PTPRD: variants seen among roughly 807,000 people sequenced by gnomAD.
PTPRD encodes protein tyrosine phosphatase receptor type D.
PTPRD carries 34 observed loss-of-function variants against 214.5 expected under a neutral mutation model. The ratio of observed to expected loss-of-function variants is 0.16; its 90% CI spans 0.12 to 0.21. The LOEUF is 0.21. Ranked by LOEUF, PTPRD falls within the 10% of genes least tolerant of loss-of-function variation. The pLI is 1.00. For synonymous variants in PTPRD, 1,128 were observed against 845.7 expected (o/e 1.33, Z -5.79); for missense variants, 2,545 against 2,398.7 (o/e 1.06, Z -1.27).
intron 12 of PTPRD, among the ~76,000 whole-genome samples, chr9:8,650,676 A>G (rs373513068): frequency 6.6e-6 from 1 of 152,190 alleles, no homozygotes; most frequent in African/African-American, 2.4e-5. Context: ...AATGCCCAGC[A>G]TTATTCACAT....
chr9:10,224,167 T>A (rs2099581006), intron 3 of PTPRD, among the ~76,000 whole-genome samples: 1 of 151,998 alleles, frequency 6.6e-6, no homozygotes, highest in Admixed American at 6.6e-5. Flanking sequence ...ATTCTGTTTG[T>A]TGAATGCTTA....
intron 2 of PTPRD, among the ~76,000 whole-genome samples, chr9:10,503,208 C>CAAAAAAA (rs1182534691): frequency 2.5e-5 from 3 of 118,482 alleles, no homozygotes; most frequent in African/African-American, 9.0e-5. Context: ...AAAAAAAAAA[C>CAAAAAAA]AAAAAAAAAC....
chr9:8,485,421 C>A (rs1252070915), intron 28 of PTPRD, 97 bp from the exon 29 acceptor site: 1 of 794,424 alleles, frequency 1.3e-6, no homozygotes, highest in South Asian at 1.7e-5. Flanking sequence ...TAGATGCTGT[C>A]TACTTTGATC....
intron 11 of PTPRD, among the ~76,000 whole-genome samples, chr9:8,821,035 C>G (rs1035957710): frequency 3.3e-5 from 5 of 152,164 alleles, no homozygotes; most frequent in Admixed American, 3.3e-4. Context: ...CCTCCCTTTC[C>G]CAGCTAGGGT....
Position 10,003,136 on chromosome 9 carries a change from G to A in PTPRD, c.-472+30582C>T, listed in dbSNP as rs375037105. Among the ~76,000 whole-genome samples, 23 of 151,826 alleles carry A rather than the reference G, an allele frequency of 1.5e-4. No individual in the cohort carries two copies. In the East Asian group the frequency reaches 4.4e-3, roughly 29 times the overall value. On this transcript the variant is annotated intron_variant, in intron 4 of 45. Coordinates refer to ENST00000381196, the MANE Select transcript of PTPRD (RefSeq NM_002839.4). ...AAAGATAGTCTTCTGTTAGTCAAGG[G>A]ACATAAGAAATGAGTTCCAGGCAGA... is the stretch of plus-strand genomic sequence containing the variant.
At chr9:9,993,336 C>G (rs531902220) in intron 4 of PTPRD, among the ~76,000 whole-genome samples, 3 of 152,150 alleles carry the variant, frequency 2.0e-5, no homozygotes, top group African/African-American at 7.2e-5. Flanking sequence ...ACATGTACAT[C>G]AAAGTGCGTA....
intron 8 of PTPRD, among the ~76,000 whole-genome samples, chr9:9,426,049 C>T (rs2382006): frequency 0.8 from 120,775 of 151,822 alleles, 48,201 homozygotes; most frequent in Non-Finnish European, 0.81. Flanking sequence ...GGGGCTTGTC[C>T]GGCAGTGGGT....
intron 11 of PTPRD, among the ~76,000 whole-genome samples, chr9:9,010,090 T>G (rs2099502388): frequency 6.6e-6 from 1 of 152,064 alleles, no homozygotes. Flanking sequence ...GGTTAGAAAA[T>G]CATTCAAGAT....
At chr9:9,745,842 G>A (rs1035646659) in intron 6 of PTPRD, among the ~76,000 whole-genome samples, 1 of 152,126 alleles carries the variant, frequency 6.6e-6, no homozygotes, top group East Asian at 1.9e-4. Context: ...GTAGCTAAAT[G>A]CTAGAATAGC....
intron 3 of PTPRD, among the ~76,000 whole-genome samples, chr9:10,185,086 A>T (rs557153654): frequency 1.4e-4 from 21 of 152,018 alleles, no homozygotes; most frequent in South Asian, 1.2e-3. Flanking sequence ...ATATATATTT[A>T]AAAAAAATCT....
At chr9:9,379,257 A>T (rs1410750491) in intron 9 of PTPRD, among the ~76,000 whole-genome samples, 4 of 134,994 alleles carry the variant, frequency 3.0e-5, no homozygotes, top group African/African-American at 8.5e-5. Context: ...TTTGCCTGTG[A>T]ATGTTCAATG....
chr9:8,938,752 C>T (rs919093109), intron 11 of PTPRD, among the ~76,000 whole-genome samples: 2 of 151,870 alleles, frequency 1.3e-5, no homozygotes, highest in African/African-American at 4.8e-5. Context: ...AAGATTCTAA[C>T]CTTTCCCCAA....
At chr9:9,759,263 G>C (rs994383732) in intron 6 of PTPRD, among the ~76,000 whole-genome samples, 24 of 152,014 alleles carry the variant, frequency 1.6e-4, no homozygotes, top group African/African-American at 5.8e-4. Flanking sequence ...GATTACATTG[G>C]TTATTAAAAT....
At chr9:9,013,137 TA>T (rs961136871) in intron 11 of PTPRD, among the ~76,000 whole-genome samples, 22 of 152,196 alleles carry the variant, frequency 1.4e-4, no homozygotes, top group African/African-American at 5.3e-4. Context: ...TGCTAGCTCT[TA>T]TTTTTTTTTC....
intron 5 of PTPRD, among the ~76,000 whole-genome samples, chr9:9,866,269 A>G (rs1192909553): frequency 6.6e-6 from 1 of 151,268 alleles, no homozygotes; most frequent in East Asian, 1.9e-4. Context: ...TTTTGTTAAC[A>G]TTATTTTCAT....
At chr9:9,806,729 G>C (rs2099075464) in intron 5 of PTPRD, among the ~76,000 whole-genome samples, 1 of 152,290 alleles carries the variant, frequency 6.6e-6, no homozygotes, top group East Asian at 1.9e-4. Flanking sequence ...ACAGTGATCA[G>C]CAGCTTCCCA....
At chr9:9,891,145 T>C (rs1313089337) in intron 5 of PTPRD, among the ~76,000 whole-genome samples, 2 of 152,222 alleles carry the variant, frequency 1.3e-5, no homozygotes, top group Non-Finnish European at 2.9e-5. Flanking sequence ...GACGGGATTG[T>C]AGTCAGCCAA....
At chr9:8,536,320 G>A (rs944239544) in intron 14 of PTPRD, among the ~76,000 whole-genome samples, 2 of 151,642 alleles carry the variant, frequency 1.3e-5, no homozygotes, top group African/African-American at 2.4e-5. Context: ...TTTTTAAATG[G>A]CATGGACTAG....
chr9:10,488,713 G>A lies in PTPRD; in HGVS notation c.-600+123685C>T, dbSNP rs528477656. ...CTCTTCCCTCCCCTTTCCAAAGGCA[G>A]AGAACTCTCATCAACGGCCACCGCC... On this transcript the variant is annotated intron_variant, in intron 2 of 45. Transcript: ENST00000381196. 1.3e-3 allele frequency among the ~76,000 whole-genome samples: 195 copies of A among 152,242 alleles called. No individual in the cohort carries two copies. In the Middle Eastern group the frequency reaches 0.031, roughly 24 times the overall value.
Sources: gnomAD v4.1 joint callset for allele counts (sites outside exome capture counted in the v4.1 genomes callset) on GRCh38, gnomAD v4.1.1 for gene constraint, MANE v1.5 for transcripts, NCBI Gene and HGNC (gene_info 2026-07-23, HGNC 2026-07-21) for gene names.